Variants in PNKD observed in about 807,000 individuals in gnomAD.
PNKD encodes probable thioesterase PNKD.
In PNKD, 36 loss-of-function variants were observed where a neutral mutation model predicts 45.3. That is an observed-to-expected ratio of 0.80 (90% CI 0.61 to 1.05). PNKD has a LOEUF of 1.05. PNKD is among the 50% of genes least tolerant of loss of function. The pLI is 0.00. For missense variants in PNKD, 511 were observed against 506.6 expected, an observed-to-expected ratio of 1.01 and a Z score of -0.08; for synonymous variants, 197 against 210.1, an observed-to-expected ratio of 0.94 and a Z score of 0.54.
chr2:218,291,353 C>T (rs374446639), intron 2 of PNKD, among the ~76,000 whole-genome samples: 197 of 152,272 alleles, frequency 1.3e-3, no homozygotes, highest in Middle Eastern at 0.01. Context: ...TCCCCCTTTG[C>T]GCCAATAAAG....
intron 2 of PNKD, among the ~76,000 whole-genome samples, chr2:218,309,411 C>T (rs1197145649): frequency 9.4e-4 from 64 of 67,884 alleles, no homozygotes; most frequent in Non-Finnish European, 7.5e-4. Flanking sequence ...AGAGAGACTC[C>T]GCCTCAAAAA....
At position 218,339,794 on chromosome 2, in the gene PNKD, A is replaced by ACACC; in HGVS notation, c.250_253dup (p.Arg85HisfsTer23). 9 of 1,611,374 alleles carry ACACC rather than the reference A, an allele frequency of 5.6e-6. No individual in the cohort carries two copies. Among genetic ancestry groups the ACACC allele is most frequent in the Non-Finnish European group, 7.6e-6 (9 of 1,177,678 alleles). On this transcript the variant is annotated frameshift_variant, in exon 3 of 10. Coordinates refer to ENST00000273077, the MANE Select transcript of PNKD (RefSeq NM_015488.5). LOFTEE classifies it high-confidence loss of function. ...CACTCGCCCTCTAGGTACAGCCTGT[A>ACACC]CACCCGCACCTGGCTCGGGTACCTC...
intron 2 of PNKD, among the ~76,000 whole-genome samples, chr2:218,336,721 T>G (rs1574714506): frequency 6.6e-6 from 1 of 151,674 alleles, no homozygotes; most frequent in East Asian, 1.9e-4. Context: ...GCTCAAGCAC[T>G]TCTTCCATCA....
chr2:218,330,595 C>A (rs999245030), intron 2 of PNKD, among the ~76,000 whole-genome samples: 1 of 152,230 alleles, frequency 6.6e-6, no homozygotes, highest in Non-Finnish European at 1.5e-5. Flanking sequence ...AGGCTGGCTG[C>A]TCCCCATCTT....
At chr2:218,320,462 G>T (rs1172898837) in intron 2 of PNKD, among the ~76,000 whole-genome samples, 17 of 152,172 alleles carry the variant, frequency 1.1e-4, no homozygotes, top group Admixed American at 1.1e-3. Flanking sequence ...CAACTACCGA[G>T]GAGGCTGAAG....
chr2:218,280,473 G>A, intron 2 of PNKD: 1 of 318,798 alleles, frequency 3.1e-6, no homozygotes, highest in Non-Finnish European at 6.1e-6. Context: ...GGCAGAACAG[G>A]GGATGGGGAC....
intron 2 of PNKD, chr2:218,327,069 G>A (rs1276026952): frequency 6.6e-6 from 1 of 152,300 alleles, no homozygotes; most frequent in South Asian, 2.1e-4. Context: ...GAGAGCCTCT[G>A]TCTGCAGAGG....
At chr2:218,273,008 A>C in intron 2 of PNKD, 4 of 1,164,142 alleles carry the variant, frequency 3.4e-6, no homozygotes, top group Admixed American at 3.0e-5. Context: ...CTGGTTACTC[A>C]TGTGTGCTCC....
At position 218,277,427 on chromosome 2, in the gene PNKD, A is replaced by G. The variant is rs148754183; in HGVS notation, c.236+5878A>G. 25 of 1,614,196 alleles carry G rather than the reference A, an allele frequency of 1.5e-5. No individual in the cohort carries two copies. Among genetic ancestry groups the G allele is most frequent in the African/African-American group, 8.0e-5 (6 of 75,048 alleles). On this transcript the variant is annotated intron_variant, in intron 2 of 9. Coordinates refer to ENST00000273077, the MANE Select transcript of PNKD (RefSeq NM_015488.5). Reference sequence around the variant, plus strand: ...TACCACCGCAGTGATGATCATTGCAATGATGACGGCTTTGGTTTGGTACAT... The same window carrying G: ...TACCACCGCAGTGATGATCATTGCAGTGATGACGGCTTTGGTTTGGTACAT...
chr2:218,294,134 A>G (rs13004537), intron 2 of PNKD, among the ~76,000 whole-genome samples: 151,070 of 152,090 alleles, frequency 0.99, 75,037 homozygotes, highest in South Asian at 1. Context: ...GGAAGTCCCC[A>G]CCCAAGGTGT....
At chr2:218,279,670 G>C (rs1691664359) in intron 2 of PNKD, 1 of 487,454 alleles carries the variant, frequency 2.1e-6, no homozygotes, top group Non-Finnish European at 3.7e-6. Context: ...ATGCAGCTGT[G>C]AGATGGAGAG....
chr2:218,278,458 C>A, intron 2 of PNKD: 1 of 1,542,832 alleles, frequency 6.5e-7, no homozygotes, highest in South Asian at 1.1e-5. Context: ...CCAAAATACT[C>A]GGCCCCCATC....
rs914163455 is a variant in PNKD at position 218,345,195 on chromosome 2, G to A, written c.*214G>A. ...TTGGAGGCTGGGAACCCCGCAGCGC[G>A]AGGCTGCCTCATCAACGGCAAGAGG... On this transcript the variant is annotated 3_prime_UTR_variant, in exon 10 of 10. Transcript: ENST00000273077. 5.0e-5 allele frequency: 29 copies of A among 580,914 alleles called. No homozygotes were observed. Among genetic ancestry groups the A allele is most frequent in the Admixed American group, 9.1e-5 (3 of 32,874 alleles). The allele number at this position is 580,914 out of a possible 1,614,324, so 36.0% of individuals were successfully genotyped here.
chr2:218,302,469 C>T (rs1693296295), intron 2 of PNKD, among the ~76,000 whole-genome samples: 1 of 152,184 alleles, frequency 6.6e-6, no homozygotes, highest in Admixed American at 6.5e-5. Flanking sequence ...TGTGACCCTT[C>T]TAAGCAGAAG....
chr2:218,277,742 T>G (rs1160413769), intron 2 of PNKD: 5 of 1,592,208 alleles, frequency 3.1e-6, no homozygotes, highest in Admixed American at 3.3e-5. Flanking sequence ...GGAGTGGCCA[T>G]GGTGGCCTCT....
intron 2 of PNKD, among the ~76,000 whole-genome samples, chr2:218,319,002 T>G (rs1390605778): frequency 1.5e-5 from 2 of 135,418 alleles, no homozygotes; most frequent in Non-Finnish European, 3.1e-5. Flanking sequence ...TCGCCCAGGC[T>G]GGAGTGCAAT....
Position 218,271,523 on chromosome 2 carries a change from C to A in PNKD, c.210C>A (p.Asn70Lys). ...LEYIPRKRGK[N>K]PMKAVGLAWY... ...ACATTCCCAGAAAGAGGGGCAAGAA[C>A]CCCATGAAAGCTGTGGGACTGGCCT... The change falls in exon 2 of 10, where the codon AAC becomes AAA. Residue 70 changes from asparagine (N) to lysine (K), a missense_variant. Coordinates refer to ENST00000273077, the MANE Select transcript of PNKD (RefSeq NM_015488.5). 1.2e-6 allele frequency: 2 copies of A among 1,614,190 alleles called. No individual in the cohort carries two copies. The highest frequency in any genetic ancestry group is 1.7e-6 in the Non-Finnish European group (2 of 1,180,010).
At chr2:218,344,677 C>A in intron 9 of PNKD, 107 bp downstream of exon 9, 1 of 1,370,746 alleles carries the variant, frequency 7.3e-7, no homozygotes, top group Non-Finnish European at 1.0e-6. Context: ...AAAACTCTGA[C>A]CTCTTTGGCC....
chr2:218,272,505 C>G, intron 2 of PNKD: 15 of 1,482,976 alleles, frequency 1.0e-5, no homozygotes, highest in Non-Finnish European at 1.4e-5. Flanking sequence ...AGAATGACTC[C>G]CCCCAGCTCC....
Sources: gnomAD v4.1 joint callset for allele counts (sites outside exome capture counted in the v4.1 genomes callset) on GRCh38, gnomAD v4.1.1 for gene constraint, MANE v1.5 for transcripts, NCBI Gene and HGNC (gene_info 2026-07-23, HGNC 2026-07-21) for gene names.